The following RCC1 variants were observed in gnomAD, a reference collection of about 807,000 sequenced individuals.
RCC1 encodes the protein regulator of chromosome condensation 1.
A neutral mutation model predicts 44.4 loss-of-function variants in RCC1; 11 were observed. That is an observed-to-expected ratio of 0.25 (90% CI 0.16 to 0.41). The LOEUF is 0.41. Among genes scored for constraint, RCC1 ranks in the 10% least tolerant of loss-of-function variants. RCC1 has a pLI of 1.00. For synonymous variants in RCC1, 213 were observed against 216.5 expected (o/e 0.98, Z 0.14); for missense variants, 386 against 547.1 (o/e 0.71, Z 2.94).
At chr1:28,531,275 T>C (rs1664154948) in intron 5 of RCC1, among the ~76,000 whole-genome samples, 2 of 148,634 alleles carry the variant, frequency 1.3e-5, no homozygotes, top group African/African-American at 5.0e-5. Flanking sequence ...CTTTTTTTTT[T>C]TTTTTTTGAG....
At chr1:28,509,112 CTTTTAA>C (rs1347683189) in intron 3 of RCC1, 4 of 328,782 alleles carry the variant, frequency 1.2e-5, no homozygotes, top group East Asian at 8.0e-5. Flanking sequence ...CCTCATACCT[CTTTTAA>C]AAGTCGACCT....
At chr1:28,523,055 G>A (rs1329432971) in intron 4 of RCC1, among the ~76,000 whole-genome samples, 1 of 128,916 alleles carries the variant, frequency 7.8e-6, no homozygotes, top group East Asian at 2.1e-4. Flanking sequence ...TTTTTGAGAC[G>A]GAGTCTTGCT....
intron 1 of RCC1, 156 bp from the exon 2 acceptor site, chr1:28,507,972 G>A (rs1179016651): frequency 6.8e-6 from 2 of 295,104 alleles, no homozygotes; most frequent in Non-Finnish European, 1.4e-5. Flanking sequence ...ATGATAGGTA[G>A]CTGGAGGAAG....
At chr1:28,514,482 C>A (rs573304267) in intron 3 of RCC1, among the ~76,000 whole-genome samples, 8 of 148,120 alleles carry the variant, frequency 5.4e-5, no homozygotes, top group African/African-American at 1.0e-4. Flanking sequence ...CTTCTGGCGG[C>A]CTGGTGTGGT....
rs1287227065 is a variant in RCC1, at chr1:28,523,419, C to A, written c.-9-6439C>A. Among the ~76,000 whole-genome samples the A allele has an allele frequency of 2.6e-5, 4 of 152,178 alleles. No individual in the cohort carries two copies. The East Asian group carries it at 7.7e-4, about 29-fold the overall frequency. On this transcript the variant is annotated intron_variant, in intron 4 of 12. Coordinates refer to ENST00000683442, the MANE Select transcript of RCC1 (RefSeq NM_001381865.2). ...TTCCAATCTTGAGTGAGATACTTCA[C>A]CTTTCTGAGCCTCAGTTTTCTTCTC... is the stretch of plus-strand genomic sequence containing the variant.
chr1:28,535,666 A>G, intron 9 of RCC1: 1 of 759,424 alleles, frequency 1.3e-6, no homozygotes, highest in Non-Finnish European at 2.3e-6. Context: ...GGTAAGTTCC[A>G]CGTAAATGAT....
At chr1:28,518,926 A>T (rs564220083) in intron 4 of RCC1, 1 of 152,284 alleles carries the variant, frequency 6.6e-6, no homozygotes, top group African/African-American at 2.4e-5. Context: ...TTAGCGAACT[A>T]TGCCCTTGAA....
chr1:28,524,974 A>G (rs1009110674), intron 4 of RCC1, among the ~76,000 whole-genome samples: 2 of 152,174 alleles, frequency 1.3e-5, no homozygotes, highest in African/African-American at 4.8e-5. Context: ...CACCCAGTTA[A>G]AGAAGGAAGG....
intron 4 of RCC1, among the ~76,000 whole-genome samples, chr1:28,525,407 G>A (rs1406234667): frequency 2.0e-5 from 3 of 152,080 alleles, no homozygotes; most frequent in African/African-American, 7.2e-5. Context: ...AAATATTTGT[G>A]GATTTACAAC....
chr1:28,515,159 G>A (rs900155166), intron 3 of RCC1, among the ~76,000 whole-genome samples: 3 of 151,590 alleles, frequency 2.0e-5, no homozygotes, highest in East Asian at 3.9e-4. Flanking sequence ...ACGTGGTGGT[G>A]CACGCCTGTA....
intron 7 of RCC1, 26 bp downstream of exon 7, chr1:28,532,376 T>C: frequency 6.2e-7 from 1 of 1,612,468 alleles, no homozygotes; most frequent in African/African-American, 1.3e-5. Flanking sequence ...AAAGTCTGCA[T>C]GGTCCCTGAA....
intron 4 of RCC1, among the ~76,000 whole-genome samples, chr1:28,527,726 T>C (rs1444739366): frequency 1.3e-5 from 2 of 152,162 alleles, no homozygotes; most frequent in African/African-American, 2.4e-5. Context: ...TTTAAATACA[T>C]GTGGCCAGGC....
chr1:28,533,929 G>A (rs1173245831), intron 7 of RCC1, among the ~76,000 whole-genome samples: 1 of 110,354 alleles, frequency 9.1e-6, no homozygotes, highest in Non-Finnish European at 1.7e-5. Flanking sequence ...CCAGGTTGGA[G>A]TGCAATGACA....
intron 1 of RCC1, chr1:28,507,783 T>G: frequency 2.9e-6 from 1 of 342,440 alleles, no homozygotes; most frequent in Non-Finnish European, 5.7e-6. Context: ...ATTTTTGTAT[T>G]TTTAGTAAAG....
At chr1:28,537,207 C>G (rs148087425) in intron 12 of RCC1, among the ~76,000 whole-genome samples, 4 of 152,244 alleles carry the variant, frequency 2.6e-5, no homozygotes, top group South Asian at 2.1e-4. Context: ...CCAGGCTGCT[C>G]TCTCCCCTCA....
In RCC1 at chr1:28,536,725, A is replaced by C. The variant is rs1664578623; in HGVS notation, c.938-22A>C. 5.0e-6 allele frequency: 8 copies of C among 1,612,458 alleles called. No homozygotes were observed. Among genetic ancestry groups the C allele is most frequent in the Non-Finnish European group, 6.8e-6 (8 of 1,178,984 alleles). On this transcript the variant is annotated intron_variant, in intron 11 of 12. Coordinates refer to ENST00000683442, the MANE Select transcript of RCC1 (RefSeq NM_001381865.2). This position sits in a 1 kb window ranked among gnomAD's most constrained non-coding sequence, Gnocchi z 4.9. ...TGTAGCACGCCCTCTGCTATTGCTC[A>C]TCTCTCTCCCTCCTCCCATAGGAAA... is the stretch of plus-strand genomic sequence containing the variant.
chr1:28,506,294 C>T lies in RCC1; in HGVS notation c.-262+210C>T, dbSNP rs142712867. 597 of 442,508 alleles carry T rather than the reference C, an allele frequency of 1.3e-3. 2 individuals are homozygous for T. Among genetic ancestry groups the T allele is most frequent in the African/African-American group, 0.01 (502 of 48,664 alleles). The allele number at this position is 442,508 out of a possible 1,614,324, so 27.4% of individuals were successfully genotyped here. On this transcript the variant is annotated intron_variant, in intron 1 of 12. Coordinates refer to ENST00000683442, the MANE Select transcript of RCC1 (RefSeq NM_001381865.2). ...CCGCCTGCCGGGTTCAAGCGATTCT[C>T]GTGCCTCAGCCTCTCCAGCAGCTGG... is the stretch of plus-strand genomic sequence containing the variant.
intron 5 of RCC1, chr1:28,530,512 G>A (rs750604067): frequency 1.3e-6 from 2 of 1,599,948 alleles, no homozygotes; most frequent in Admixed American, 3.4e-5. Context: ...GACAGTGTCT[G>A]TCTTTTGCAG....
intron 4 of RCC1, among the ~76,000 whole-genome samples, chr1:28,517,457 A>C (rs1256415527): frequency 6.6e-6 from 1 of 152,098 alleles, no homozygotes; most frequent in Admixed American, 6.6e-5. Flanking sequence ...TTTGTTCTAT[A>C]AGATCTGATC....
Sources: gnomAD v4.1 joint callset for allele counts (sites outside exome capture counted in the v4.1 genomes callset) on GRCh38, gnomAD v4.1.1 for gene constraint, Gnocchi (gnomAD v3.1) non-coding constraint, MANE v1.5 for transcripts, NCBI Gene and HGNC (gene_info 2026-07-23, HGNC 2026-07-21) for gene names.